Variants in CYP24A1 observed in about 807,000 individuals in gnomAD.
CYP24A1 encodes the protein 1,25-dihydroxyvitamin D(3) 24-hydroxylase, mitochondrial.
CYP24A1 carries 68 observed loss-of-function variants against 62.4 expected under a neutral mutation model. The ratio of observed to expected loss-of-function variants is 1.09; its 90% confidence interval spans 0.90 to 1.33. The LOEUF (loss-of-function observed/expected upper bound fraction) is 1.33. Ranked by LOEUF, CYP24A1 falls within the 40% of genes most tolerant of loss-of-function variation. The probability of loss-of-function intolerance (pLI) is 0.00; values close to 1 mark genes in which losing one functional copy is unlikely to be tolerated. For missense variants in CYP24A1, 787 were observed against 653.0 expected (o/e 1.21, Z -2.24); for synonymous variants, 267 against 253.0 (o/e 1.06, Z -0.52).
chr20:54,164,321 C>G, intron 6 of CYP24A1, 131 bp downstream of exon 6: 1 of 1,553,764 alleles, frequency 6.4e-7, no homozygotes, highest in Non-Finnish European at 8.8e-7. Context: ...GGGCAATCCC[C>G]AAAACACCTG....
intron 10 of CYP24A1, 36 bp from the exon 11 acceptor site, chr20:54,157,325 C>A (rs756766732): frequency 6.8e-7 from 1 of 1,474,808 alleles, no homozygotes; most frequent in Admixed American, 1.7e-5. Flanking sequence ...AGAATTACCC[C>A]TCTCTTCTTC....
At chr20:54,158,821 C>T in intron 8 of CYP24A1, 136 bp downstream of exon 8, 1 of 1,474,722 alleles carries the variant, frequency 6.8e-7, no homozygotes, top group Non-Finnish European at 9.2e-7. Context: ...AAATATGGCT[C>T]CAAAGATTTT....
chr20:54,173,046 A>G lies in CYP24A1; in HGVS notation c.312T>C (p.Phe104=), dbSNP rs1220045845. The change falls in exon 2 of 12, where the codon TTT becomes TTC. Residue 104 remains phenylalanine (F), a synonymous_variant. Coordinates refer to ENST00000216862, the MANE Select transcript of CYP24A1 (RefSeq NM_000782.5). This position sits in a 1 kb window ranked among gnomAD's most constrained non-coding sequence, Gnocchi z 7.2. ...ATGGCGAGCCCAGGTGCACCGACTC[A>G]AAGGAACCCAACTTCATGCGGAAAA... The part of the protein sequence containing the change: ...GKIFRMKLGS[F]ESVHLGSPCL... 1.2e-6 allele frequency: 2 copies of G among 1,608,330 alleles called. No homozygotes were observed. The highest frequency in any genetic ancestry group is 1.7e-6 in the Non-Finnish European group (2 of 1,179,994).
At position 54,172,961 on chromosome 20, in the gene CYP24A1, G is replaced by C. The variant is rs200891772; in HGVS notation, c.397C>G (p.Pro133Ala). ...SAYPQRLEIK[P>A]WKAYRDYRKE... ...CGGTAGTCGCGATAGGCCTTCCACG[G>C]TTTGATCTCCAGCCGCTGCGGGTAC... The change falls in exon 2 of 12, where the codon CCG (proline) becomes GCG (alanine). Residue 133 changes from proline to alanine, a missense_variant. Coordinates refer to ENST00000216862, the MANE Select transcript of CYP24A1 (RefSeq NM_000782.5). The C allele has an allele frequency of 5.0e-6, 8 of 1,613,624 alleles. No homozygotes were observed. The African/African-American group carries it at 9.3e-5, about 19-fold the overall frequency.
intron 8 of CYP24A1, 98 bp from the exon 9 acceptor site, chr20:54,158,262 A>G: frequency 6.4e-7 from 1 of 1,573,246 alleles, no homozygotes; most frequent in Admixed American, 1.8e-5. Context: ...ATGCTGCCCA[A>G]GTGCATACTC....
At chr20:54,172,674 C>T (rs1298475939) in intron 2 of CYP24A1, 2 of 906,442 alleles carry the variant, frequency 2.2e-6, no homozygotes, top group Non-Finnish European at 3.2e-6. Context: ...TGTGGCCCTG[C>T]CCTGTTGCCA....
chr20:54,162,483 A>G, intron 7 of CYP24A1: 1 of 286,260 alleles, frequency 3.5e-6, no homozygotes, highest in Non-Finnish European at 6.0e-6. Context: ...TTAAGCACAG[A>G]AGCCCGTGCA....
intron 7 of CYP24A1, among the ~76,000 whole-genome samples, chr20:54,161,357 T>A (rs1440334377): frequency 6.6e-6 from 1 of 151,724 alleles, no homozygotes; most frequent in Non-Finnish European, 1.5e-5. Context: ...TATTACACCA[T>A]CCTGATGGCG....
intron 6 of CYP24A1, among the ~76,000 whole-genome samples, chr20:54,163,298 T>C (rs1000612850): frequency 5.3e-5 from 8 of 152,172 alleles, no homozygotes; most frequent in African/African-American, 1.9e-4. Flanking sequence ...TGGACCCAGA[T>C]ATTACTAAGC....
chr20:54,144,945 C>T, the CYP24A1 span, among the ~76,000 whole-genome samples: 2 of 152,074 alleles, frequency 1.3e-5, no homozygotes, highest in Non-Finnish European at 2.9e-5. Flanking sequence ...TTTCATTGGA[C>T]CTGCCAAAAT....
intron 8 of CYP24A1, among the ~76,000 whole-genome samples, chr20:54,158,538 TGA>T (rs753044230): frequency 1.8e-4 from 27 of 152,200 alleles, no homozygotes; most frequent in Non-Finnish European, 3.4e-4. Flanking sequence ...TAAAATGTTG[TGA>T]GTTTTGTTTT....
intron 5 of CYP24A1, among the ~76,000 whole-genome samples, chr20:54,165,538 G>C (rs1019057948): frequency 1.3e-5 from 2 of 152,094 alleles, no homozygotes; most frequent in Non-Finnish European, 2.9e-5. Flanking sequence ...CCACGAAACT[G>C]GTCCCTGGTG....
At position 54,157,715 on chromosome 20, in the gene CYP24A1, A is replaced by G. The variant is rs577970144; in HGVS notation, c.1237-130T>C. ...AAATTTATAATAATGATGGTTGCCA[A>G]CATGCGCTGAGTGCTTAAAATGTGC... On this transcript the variant is annotated intron_variant, in intron 9 of 11. Transcript: ENST00000216862. 3.4e-5 allele frequency: 25 copies of G among 746,032 alleles called. No homozygotes were observed. In the African/African-American group the frequency reaches 3.8e-4, roughly 11 times the overall value. 46.2% of individuals were successfully genotyped at this position (746,032 alleles called of 1,614,324 possible).
At chr20:54,168,637 G>C (rs1252115154) in intron 4 of CYP24A1, among the ~76,000 whole-genome samples, 1 of 152,058 alleles carries the variant, frequency 6.6e-6, no homozygotes, top group African/African-American at 2.4e-5. Context: ...TACTAAAAAA[G>C]ACTTGCCCCT....
rs1311481206 is a variant in CYP24A1, at chr20:54,171,815, A to G, written c.450-145T>C. The stretch of plus-strand genomic sequence containing the variant: ...GAAATAGCCAGAGAATATTAGCATC[A>G]GAATATTTGGGATAAAATAGTGATC... On this transcript the variant is annotated intron_variant, in intron 2 of 11. Transcript: ENST00000216862. 3.3e-6 allele frequency: 5 copies of G among 1,526,184 alleles called. No individual in the cohort carries two copies. In the African/African-American group the frequency reaches 5.5e-5, roughly 17 times the overall value. The allele number at this position is 1,526,184 out of a possible 1,614,324, so 94.5% of individuals were successfully genotyped here.
chr20:54,146,667 C>T, the CYP24A1 span, among the ~76,000 whole-genome samples: 2 of 152,166 alleles, frequency 1.3e-5, no homozygotes, highest in South Asian at 2.1e-4. Flanking sequence ...ATCACTTTAC[C>T]TTTCTGCTCA....
intron 6 of CYP24A1, among the ~76,000 whole-genome samples, chr20:54,163,801 CTTA>C (rs72429518): frequency 3.9e-5 from 6 of 152,104 alleles, no homozygotes; most frequent in African/African-American, 1.4e-4. Context: ...GGTAGGTTCT[CTTA>C]TTATTATTAT....
chr20:54,158,380 A>G (rs571925119), intron 8 of CYP24A1, among the ~76,000 whole-genome samples: 2 of 152,326 alleles, frequency 1.3e-5, no homozygotes, highest in East Asian at 3.9e-4. Flanking sequence ...ACCCCAGTGC[A>G]AGGCTGTTTA....
chr20:54,161,293 C>A (rs1422380817), intron 7 of CYP24A1, among the ~76,000 whole-genome samples: 1 of 152,228 alleles, frequency 6.6e-6, no homozygotes, highest in East Asian at 1.9e-4. Flanking sequence ...CCAGAGTCAG[C>A]TCCAGTACTG....
Sources: gnomAD v4.1 joint callset for allele counts (sites outside exome capture counted in the v4.1 genomes callset) on GRCh38, gnomAD v4.1.1 for gene constraint, Gnocchi (gnomAD v3.1) non-coding constraint, MANE v1.5 for transcripts, NCBI Gene and HGNC (gene_info 2026-07-23, HGNC 2026-07-21) for gene names.